The following LRP1B variants were observed in gnomAD, a reference collection of about 807,000 sequenced individuals.
LRP1B encodes low-density lipoprotein receptor-related protein 1B.
In LRP1B, 217 loss-of-function variants were observed where a neutral mutation model predicts 556.6. The ratio of observed to expected loss-of-function variants is 0.39; its 90% CI spans 0.35 to 0.44. The LOEUF (loss-of-function observed/expected upper bound fraction) is 0.44. LRP1B is among the 20% of genes least tolerant of loss of function. The probability of loss-of-function intolerance (pLI) is 1.00; values close to 1 mark genes in which losing one functional copy is unlikely to be tolerated. For missense variants in LRP1B, 5,053 were observed against 5,620.8 expected, an observed-to-expected ratio of 0.90 and a Z score of 3.23; for synonymous variants, 2,047 against 1,865.8, an observed-to-expected ratio of 1.10 and a Z score of -2.50.
chr2:141,378,254 T>A (rs963631314), intron 3 of LRP1B, among the ~76,000 whole-genome samples: 1 of 152,016 alleles, frequency 6.6e-6, no homozygotes, highest in African/African-American at 2.4e-5. Context: ...TTCACAGGAG[T>A]TAACAGAGCT....
intron 7 of LRP1B, among the ~76,000 whole-genome samples, chr2:141,147,037 G>A (rs1029144523): frequency 1.3e-5 from 2 of 152,182 alleles, no homozygotes; most frequent in Admixed American, 1.3e-4. Context: ...AAGATCAAGA[G>A]TGATCAGAGG....
intron 37 of LRP1B, 23 bp from the exon 38 acceptor site, chr2:140,702,576 T>C (rs1686688464): frequency 6.2e-7 from 1 of 1,609,340 alleles, no homozygotes; most frequent in African/African-American, 1.3e-5. Flanking sequence ...TGTTAATTTG[T>C]AGTGTTTATG....
rs371133072 is a variant in LRP1B at position 141,962,533 on chromosome 2, G to A, written c.83-152132C>T. Among the ~76,000 whole-genome samples, 4 of 151,850 alleles carry A rather than the reference G, an allele frequency of 2.6e-5. 1 individual carries two copies. In the East Asian group the frequency reaches 5.8e-4, roughly 22 times the overall value. On this transcript the variant is annotated intron_variant, in intron 1 of 90. Transcript: ENST00000389484. The stretch of plus-strand genomic sequence containing the variant: ...TCAACTACAACCTACAGAGGTGACC[G>A]TCCATAGCAAAGTTGCCAAGAATAA...
At chr2:141,332,936 T>G (rs1435616513) in intron 3 of LRP1B, among the ~76,000 whole-genome samples, 2 of 152,112 alleles carry the variant, frequency 1.3e-5, no homozygotes, top group Non-Finnish European at 2.9e-5. Context: ...CAAATCACCT[T>G]GATTTTCATA....
chr2:141,300,072 C>A (rs1049664345), intron 3 of LRP1B, among the ~76,000 whole-genome samples: 7 of 152,184 alleles, frequency 4.6e-5, no homozygotes, highest in African/African-American at 2.4e-5. Flanking sequence ...CTTTCTGACA[C>A]ATGAAGATAC....
chr2:141,309,942 CTG>C (rs1686750029), intron 3 of LRP1B, among the ~76,000 whole-genome samples: 1 of 152,124 alleles, frequency 6.6e-6, no homozygotes, highest in Non-Finnish European at 1.5e-5. Context: ...TCACTTGAAT[CTG>C]AGATTTCCCA....
intron 86 of LRP1B, among the ~76,000 whole-genome samples, chr2:140,258,915 T>C (rs977245150): frequency 3.3e-5 from 5 of 152,138 alleles, no homozygotes; most frequent in African/African-American, 1.2e-4. Flanking sequence ...AGAAATCTAT[T>C]TTTTCAAACC....
chr2:142,107,618 C>CTTTG (rs1706796995), intron 1 of LRP1B, among the ~76,000 whole-genome samples: 1 of 151,210 alleles, frequency 6.6e-6, no homozygotes, highest in Admixed American at 6.6e-5. Context: ...AATAATGTGT[C>CTTTG]TTTTGTTTTG....
chr2:141,096,757 A>C lies in LRP1B; in HGVS notation c.1014-34484T>G, dbSNP rs566818659. Among the ~76,000 whole-genome samples the C allele has an allele frequency of 3.3e-5, 5 of 152,140 alleles. No homozygotes were observed. In the South Asian group the frequency reaches 8.3e-4, roughly 25 times the overall value. On this transcript the variant is annotated intron_variant, in intron 7 of 90. Transcript: ENST00000389484. ...GGTCAAGTAACATTTTAAATGTAAAAAAAATTAGGCTTTGTTTTTGATAAC... is the reference window on the plus strand; with the variant it reads ...GGTCAAGTAACATTTTAAATGTAAACAAAATTAGGCTTTGTTTTTGATAAC...
Position 141,013,544 on chromosome 2 carries a change from G to GT in LRP1B, c.2380+11dup, listed in dbSNP as rs753642666. On this transcript the variant is annotated intron_variant, in intron 14 of 90. Transcript: ENST00000389484. ...GTGAATCTCAGAAGCATTTTAATTT[G>GT]TTTTTTAATACCTTGTTGCTTTCGT... The GT allele has an allele frequency of 1.6e-5, 25 of 1,591,972 alleles. No homozygotes were observed. Among genetic ancestry groups the GT allele is most frequent in the Non-Finnish European group, 2.0e-5 (23 of 1,170,556 alleles).
chr2:141,602,665 G>A (rs1256200013), intron 2 of LRP1B, among the ~76,000 whole-genome samples: 1 of 152,066 alleles, frequency 6.6e-6, no homozygotes, highest in African/African-American at 2.4e-5. Context: ...TACCTGTTCA[G>A]TTCTCCTCTG....
chr2:141,590,954 G>A (rs1355590147), intron 2 of LRP1B, among the ~76,000 whole-genome samples: 1 of 152,056 alleles, frequency 6.6e-6, no homozygotes, highest in African/African-American at 2.4e-5. Context: ...TTTTTTAAAA[G>A]TCTTTGACAA....
At chr2:141,846,958 T>C (rs1697674518) in intron 1 of LRP1B, among the ~76,000 whole-genome samples, 1 of 151,518 alleles carries the variant, frequency 6.6e-6, no homozygotes, top group Admixed American at 6.6e-5. Flanking sequence ...TCAATGTTCC[T>C]ATGCTACTCA....
intron 2 of LRP1B, among the ~76,000 whole-genome samples, chr2:141,687,923 G>T (rs930127533): frequency 4.1e-5 from 5 of 122,196 alleles, no homozygotes; most frequent in African/African-American, 1.3e-4. Context: ...TGCTGGTTTG[G>T]GCAAGTTCTC....
intron 3 of LRP1B, among the ~76,000 whole-genome samples, chr2:141,426,724 T>C (rs1680378222): frequency 1.3e-5 from 2 of 152,206 alleles, no homozygotes; most frequent in Non-Finnish European, 2.9e-5. Context: ...TTATTTGTTA[T>C]TTATTTAGGT....
At chr2:141,843,178 G>C (rs752614750) in intron 1 of LRP1B, among the ~76,000 whole-genome samples, 4 of 151,812 alleles carry the variant, frequency 2.6e-5, no homozygotes, top group Non-Finnish European at 1.5e-5. Context: ...ACATATTTTG[G>C]CTATATTTAT....
chr2:141,055,394 AC>A, intron 9 of LRP1B, 135 bp from the exon 10 acceptor site: 1 of 762,770 alleles, frequency 1.3e-6, no homozygotes, highest in South Asian at 2.1e-5. Context: ...ACTATTTAGC[AC>A]CATAATCGAA....
At chr2:140,927,708 C>CTTTTT (rs11441032) in intron 20 of LRP1B, among the ~76,000 whole-genome samples, 10 of 116,092 alleles carry the variant, frequency 8.6e-5, no homozygotes, top group Non-Finnish European at 1.0e-4. Context: ...ACGAGGAAGG[C>CTTTTT]TTTTTTTTTT....
Position 140,741,131 on chromosome 2 carries a change from G to A in LRP1B, c.5759-24315C>T, listed in dbSNP as rs142701660. On this transcript the variant is annotated intron_variant, in intron 35 of 90. Coordinates refer to ENST00000389484, the MANE Select transcript of LRP1B (RefSeq NM_018557.3). Reference sequence around the variant, plus strand: ...ATTAGCCATTAGCATTGTGCTCAATGACCACCATTCTTTAAAGCACAAGAA... The same window carrying A: ...ATTAGCCATTAGCATTGTGCTCAATAACCACCATTCTTTAAAGCACAAGAA... Among the ~76,000 whole-genome samples, 12 of 152,204 alleles carry A rather than the reference G, an allele frequency of 7.9e-5. No homozygotes were observed. The East Asian group carries it at 1.9e-3, about 25-fold the overall frequency.
Sources: gnomAD v4.1 joint callset for allele counts (sites outside exome capture counted in the v4.1 genomes callset) on GRCh38, gnomAD v4.1.1 for gene constraint, MANE v1.5 for transcripts, NCBI Gene and HGNC (gene_info 2026-07-23, HGNC 2026-07-21) for gene names.